The following RIMBP2 variants were observed in gnomAD, a reference collection of about 807,000 sequenced individuals.
RIMBP2 encodes the protein RIMS binding protein 2, also known as RIMS-binding protein 2.
In RIMBP2, 48 loss-of-function variants were observed where a neutral mutation model predicts 118.6. The observed-to-expected ratio is 0.40, with a 90% CI of 0.32 to 0.51. The LOEUF is 0.51. RIMBP2 is among the 20% of genes least tolerant of loss of function. The probability of loss-of-function intolerance (pLI) is 0.41; values close to 1 mark genes in which losing one functional copy is unlikely to be tolerated. For synonymous variants in RIMBP2, 762 were observed against 742.9 expected, an observed-to-expected ratio of 1.03 and a Z score of -0.42; for missense variants, 1,551 against 1,768.3, an observed-to-expected ratio of 0.88 and a Z score of 2.20.
At chr12:130,590,793 G>C (rs1286108846) in intron 2 of RIMBP2, among the ~76,000 whole-genome samples, 1 of 152,152 alleles carries the variant, frequency 6.6e-6, no homozygotes, top group East Asian at 1.9e-4. Context: ...GGAAAGCCCA[G>C]GATGGCAAGG....
chr12:130,553,508 C>T (rs2056038013), intron 2 of RIMBP2, among the ~76,000 whole-genome samples: 1 of 152,022 alleles, frequency 6.6e-6, no homozygotes, highest in African/African-American at 2.4e-5. Context: ...AATTAGGAGG[C>T]CGAGGCAGGT....
At chr12:130,615,969 T>A (rs977214482) in intron 2 of RIMBP2, among the ~76,000 whole-genome samples, 3 of 152,152 alleles carry the variant, frequency 2.0e-5, no homozygotes, top group Admixed American at 6.5e-5. Flanking sequence ...GGGGACGTGG[T>A]CTGGACAACA....
At chr12:130,417,967 A>G (rs981075025) in intron 17 of RIMBP2, among the ~76,000 whole-genome samples, 20 of 152,148 alleles carry the variant, frequency 1.3e-4, no homozygotes, top group South Asian at 4.1e-4. Context: ...CTGGCAGCAG[A>G]GAGAGCAGCA....
Position 130,456,517 on chromosome 12 carries a change from G to C in RIMBP2, c.337C>G (p.Leu113Val). ...SKPFPQFMNG[L>V]ATSLGKGQES... The stretch of plus-strand genomic sequence containing the variant: ...TTACCTTTGCCGAGGGAGGTGGCTA[G>C]GCCATTCATGAACTGTGGGAAAGGC... The change falls in exon 7 of 23, where the codon CTA (leucine) becomes GTA (valine). Residue 113 changes from leucine to valine, a missense_variant. Leu to Val is a conservative substitution (Grantham distance 32). Around this residue, in one of 5 missense-constraint regions of RIMBP2, gnomAD observed 239 missense variants for 256.8 expected, o/e 0.93. Transcript: ENST00000690449. 6.3e-7 allele frequency: 1 copy of C among 1,598,566 alleles called. No individual in the cohort carries two copies. Among genetic ancestry groups the C allele is most frequent in the Non-Finnish European group, 8.6e-7 (1 of 1,168,372 alleles).
intron 2 of RIMBP2, among the ~76,000 whole-genome samples, chr12:130,585,782 A>G (rs2058845592): frequency 1.3e-5 from 2 of 152,320 alleles, no homozygotes; most frequent in Admixed American, 6.5e-5. Context: ...TGACGTGGTC[A>G]CAGTCCCCAC....
intron 2 of RIMBP2, among the ~76,000 whole-genome samples, chr12:130,577,774 A>G (rs932263389): frequency 6.6e-6 from 1 of 152,188 alleles, no homozygotes; most frequent in Non-Finnish European, 1.5e-5. Flanking sequence ...ATAAACGGGA[A>G]GCTGACATCC....
At position 130,436,827 on chromosome 12, in the gene RIMBP2, G is replaced by T; in HGVS notation, c.2106+15C>A. ...GGGGACTGAGGAGCCACCGAGGCGG[G>T]AGCCCCAGCCTTACCCTGCTGCTCT... On this transcript the variant is annotated intron_variant, in intron 13 of 22. Transcript: ENST00000690449. 1 of 1,378,182 alleles carries T rather than the reference G, an allele frequency of 7.3e-7. No homozygotes were observed. The allele number at this position is 1,378,182 out of a possible 1,614,324, so 85.4% of individuals were successfully genotyped here.
At chr12:130,608,591 G>A (rs1269896716) in intron 2 of RIMBP2, among the ~76,000 whole-genome samples, 1 of 152,184 alleles carries the variant, frequency 6.6e-6, no homozygotes, top group Non-Finnish European at 1.5e-5. Flanking sequence ...GGGGAGGTGG[G>A]CAGTGGGGAG....
intron 1 of RIMBP2, among the ~76,000 whole-genome samples, chr12:130,673,172 G>A (rs774544012): frequency 2.0e-4 from 31 of 152,314 alleles, no homozygotes; most frequent in East Asian, 1.2e-3. Flanking sequence ...ATCGCTCCCC[G>A]TTTAGGTTCC....
At chr12:130,452,078 T>TCAGA (rs1363694388) in intron 7 of RIMBP2, among the ~76,000 whole-genome samples, 1 of 152,122 alleles carries the variant, frequency 6.6e-6, no homozygotes, top group African/African-American at 2.4e-5. Context: ...GGCCTGGGTG[T>TCAGA]CAGACGACAG....
chr12:130,416,195 G>A (rs904375687), intron 17 of RIMBP2, among the ~76,000 whole-genome samples: 1 of 152,104 alleles, frequency 6.6e-6, no homozygotes, highest in African/African-American at 2.4e-5. Flanking sequence ...AACTTCCATT[G>A]TCATTTTATA....
At chr12:130,468,544 G>C (rs1396741063) in intron 6 of RIMBP2, among the ~76,000 whole-genome samples, 1 of 152,132 alleles carries the variant, frequency 6.6e-6, no homozygotes, top group East Asian at 1.9e-4. Context: ...TCAAAGGCCT[G>C]TCTCGGGGGC....
At chr12:130,693,300 C>G (rs948672053) in intron 1 of RIMBP2, among the ~76,000 whole-genome samples, 1 of 152,224 alleles carries the variant, frequency 6.6e-6, no homozygotes, top group Non-Finnish European at 1.5e-5. Flanking sequence ...AGGGCCATCT[C>G]TCACTCCATT....
intron 2 of RIMBP2, among the ~76,000 whole-genome samples, chr12:130,615,265 T>A (rs1458132716): frequency 1.6e-5 from 1 of 62,416 alleles, no homozygotes; most frequent in African/African-American, 5.6e-5. Flanking sequence ...TATATATACA[T>A]AATACACATA....
At chr12:130,534,827 G>A (rs1037599709) in intron 2 of RIMBP2, among the ~76,000 whole-genome samples, 1 of 152,232 alleles carries the variant, frequency 6.6e-6, no homozygotes, top group South Asian at 2.1e-4. Context: ...GATCATCCAT[G>A]GTGGTTAGGA....
intron 1 of RIMBP2, among the ~76,000 whole-genome samples, chr12:130,648,029 G>A (rs1222350291): frequency 6.8e-6 from 1 of 146,406 alleles, no homozygotes; most frequent in African/African-American, 2.4e-5. Context: ...GTGAACACAC[G>A]TGTGTACACA....
chr12:130,643,138 C>A (rs1163028532), intron 1 of RIMBP2, among the ~76,000 whole-genome samples: 2 of 152,224 alleles, frequency 1.3e-5, no homozygotes, highest in Non-Finnish European at 2.9e-5. Context: ...CCAACCTGTG[C>A]CAACCTTTCA....
At chr12:130,454,485 C>A (rs912499914) in intron 7 of RIMBP2, among the ~76,000 whole-genome samples, 1 of 152,122 alleles carries the variant, frequency 6.6e-6, no homozygotes, top group African/African-American at 2.4e-5. Flanking sequence ...AAGCGACATG[C>A]ACTGTGAGGG....
chr12:130,434,720 C>A lies in RIMBP2; in HGVS notation c.2253+14G>T, dbSNP rs768865863. 1.2e-6 allele frequency: 2 copies of A among 1,609,340 alleles called. No individual in the cohort carries two copies. Among genetic ancestry groups the A allele is most frequent in the Admixed American group, 3.3e-5 (2 of 59,748 alleles). ...CCCACCAGGAGGATGGTGTGGGGCC[C>A]GGCCCGCTCTCACCTGCTTGCCAAG... On this transcript the variant is annotated intron_variant, in intron 14 of 22. Coordinates refer to ENST00000690449, the MANE Select transcript of RIMBP2 (RefSeq NM_001393629.1). The surrounding 1 kb of genome is among the most constrained non-coding windows in gnomAD (Gnocchi z 5.7).
Sources: allele counts gnomAD v4.1 joint callset (sites outside exome capture counted in the v4.1 genomes callset), GRCh38; gene constraint gnomAD v4.1.1; regional missense constraint gnomAD v4.1.1; non-coding constraint Gnocchi (gnomAD v3.1); transcripts MANE v1.5; gene names NCBI Gene and HGNC (gene_info 2026-07-23, HGNC 2026-07-21).